Variants in SKAP2 observed in about 807,000 individuals in gnomAD.
The protein encoded by SKAP2 is src kinase associated phosphoprotein 2, also known as src kinase-associated phosphoprotein 2.
A neutral mutation model predicts 54.9 loss-of-function variants in SKAP2; 28 were observed. The observed-to-expected ratio is 0.51, with a 90% CI of 0.38 to 0.70. The LOEUF is 0.70. SKAP2 is among the 30% of genes least tolerant of loss of function. SKAP2 has a pLI of 0.00. For missense variants in SKAP2, 356 were observed against 424.1 expected (o/e 0.84, Z 1.41); for synonymous variants, 137 against 134.3 (o/e 1.02, Z -0.14).
At chr7:26,671,230 T>G (rs1247285364) in intron 11 of SKAP2, among the ~76,000 whole-genome samples, 1 of 152,106 alleles carries the variant, frequency 6.6e-6, no homozygotes, top group Non-Finnish European at 1.5e-5. Context: ...AGCAATACTC[T>G]TCACAAGCAT....
At chr7:26,810,921 C>G (rs1019443862) in intron 4 of SKAP2, among the ~76,000 whole-genome samples, 5 of 152,156 alleles carry the variant, frequency 3.3e-5, no homozygotes, top group African/African-American at 1.2e-4. Flanking sequence ...ACCTCATGAT[C>G]CGCGCACCTC....
intron 11 of SKAP2, among the ~76,000 whole-genome samples, chr7:26,675,917 C>A (rs553427775): frequency 6.6e-6 from 1 of 152,292 alleles, no homozygotes; most frequent in East Asian, 1.9e-4. Flanking sequence ...GAACAGGGAC[C>A]AACTAATTCC....
chr7:26,697,870 C>A (rs1197693693), intron 9 of SKAP2, among the ~76,000 whole-genome samples: 1 of 152,112 alleles, frequency 6.6e-6, no homozygotes, highest in African/African-American at 2.4e-5. Flanking sequence ...CATATGTATT[C>A]ATTGTCCCCA....
chr7:26,708,691 A>G (rs1400407393), intron 9 of SKAP2, among the ~76,000 whole-genome samples: 5 of 151,940 alleles, frequency 3.3e-5, no homozygotes, highest in South Asian at 2.1e-4. Flanking sequence ...TAGGTATCTC[A>G]TTTACTGCCA....
At chr7:26,677,491 T>C (rs547293025) in intron 11 of SKAP2, among the ~76,000 whole-genome samples, 1 of 151,842 alleles carries the variant, frequency 6.6e-6, no homozygotes, top group Admixed American at 6.6e-5. Flanking sequence ...CCCCTTTCCA[T>C]AGCACAGCCG....
chr7:26,659,311 T>C, the SKAP2 span, among the ~76,000 whole-genome samples: 1 of 152,252 alleles, frequency 6.6e-6, no homozygotes, highest in East Asian at 1.9e-4. Flanking sequence ...CATGTCCATC[T>C]CACTGTGAAA....
chr7:26,734,398 T>A (rs572425633), intron 6 of SKAP2, among the ~76,000 whole-genome samples: 11 of 152,174 alleles, frequency 7.2e-5, no homozygotes, highest in Non-Finnish European at 1.3e-4. Context: ...TATTTAGCCT[T>A]ACGTGCTCCC....
Position 26,793,851 on chromosome 7 carries a change from T to C in SKAP2, c.307+50179A>G, listed in dbSNP as rs1201327401. On this transcript the variant is annotated intron_variant, in intron 4 of 12. Coordinates refer to ENST00000345317, the MANE Select transcript of SKAP2 (RefSeq NM_003930.5). ...GACTCAAGTTTTACACTTGCTAATA[T>C]TGACAGCCTCTGTAAAGCTGCAAGA... Among the ~76,000 whole-genome samples, 5 of 152,344 alleles carry C rather than the reference T, an allele frequency of 3.3e-5. 1 individual carries two copies. In the South Asian group the frequency reaches 6.2e-4, roughly 19 times the overall value.
At chr7:26,660,777 TAC>T in the SKAP2 span, among the ~76,000 whole-genome samples, 1 of 152,064 alleles carries the variant, frequency 6.6e-6, no homozygotes, top group Non-Finnish European at 1.5e-5. Flanking sequence ...TGGTAACAGG[TAC>T]ACAATGTGTC....
At chr7:26,800,428 T>C (rs1303418817) in intron 4 of SKAP2, among the ~76,000 whole-genome samples, 1 of 151,708 alleles carries the variant, frequency 6.6e-6, no homozygotes, top group Non-Finnish European at 1.5e-5. Context: ...AGGAAAATTT[T>C]CAATGCATCT....
intron 1 of SKAP2, among the ~76,000 whole-genome samples, chr7:26,861,816 T>C (rs1479946508): frequency 6.6e-6 from 1 of 151,868 alleles, no homozygotes; most frequent in Non-Finnish European, 1.5e-5. Context: ...ACAGTACATA[T>C]GACATATAAT....
intron 4 of SKAP2, among the ~76,000 whole-genome samples, chr7:26,827,628 T>C (rs1258965631): frequency 6.6e-6 from 1 of 152,178 alleles, no homozygotes; most frequent in African/African-American, 2.4e-5. Flanking sequence ...TCTCTGAACC[T>C]AGATCAATGG....
intron 4 of SKAP2, among the ~76,000 whole-genome samples, chr7:26,751,446 C>T (rs17371905): frequency 0.085 from 12,897 of 152,150 alleles, 607 homozygotes; most frequent in Middle Eastern, 0.16. Context: ...AACGCAAATA[C>T]GTTCCCAAAC....
chr7:26,745,378 C>A (rs1481020946), intron 4 of SKAP2, among the ~76,000 whole-genome samples: 2 of 152,184 alleles, frequency 1.3e-5, no homozygotes, highest in African/African-American at 4.8e-5. Context: ...ACAACCATAT[C>A]TTTTTTCCTG....
chr7:26,856,690 A>C (rs1193422244), intron 1 of SKAP2, among the ~76,000 whole-genome samples: 9 of 152,184 alleles, frequency 5.9e-5, no homozygotes, highest in African/African-American at 2.2e-4. Flanking sequence ...AAAGTGGAAT[A>C]AGGGAAGAAG....
At position 26,704,740 on chromosome 7, in the gene SKAP2, G is replaced by C. The variant is rs116414230; in HGVS notation, c.797-14378C>G. Among the ~76,000 whole-genome samples the C allele has an allele frequency of 4.5e-3, 684 of 152,274 alleles. 3 individuals are homozygous for C. The highest frequency in any genetic ancestry group is 0.016 in the African/African-American group (645 of 41,530). ...TGCAGGGGGAAGAAGGGGAGGTTAG[G>C]CATGTAAAACTCATCTGATGGAGGT... is the stretch of plus-strand genomic sequence containing the variant. On this transcript the variant is annotated intron_variant, in intron 9 of 12. Transcript: ENST00000345317.
intron 11 of SKAP2, among the ~76,000 whole-genome samples, chr7:26,671,596 T>C (rs1329624562): frequency 6.6e-6 from 1 of 151,962 alleles, no homozygotes; most frequent in African/African-American, 2.4e-5. Context: ...AAGAACAAAG[T>C]GGAGGGGGAG....
chr7:26,702,653 C>G (rs1787064067), intron 9 of SKAP2, among the ~76,000 whole-genome samples: 1 of 152,116 alleles, frequency 6.6e-6, no homozygotes, highest in Admixed American at 6.5e-5. Flanking sequence ...GAGAGTCACA[C>G]TCAGTCTTAC....
chr7:26,798,564 C>A (rs1264933673), intron 4 of SKAP2, among the ~76,000 whole-genome samples: 2 of 152,018 alleles, frequency 1.3e-5, no homozygotes, highest in East Asian at 3.9e-4. Flanking sequence ...TAAGTAATCA[C>A]CTGAAGGTAC....
Sources: gnomAD v4.1 joint callset for allele counts (sites outside exome capture counted in the v4.1 genomes callset) on GRCh38, gnomAD v4.1.1 for gene constraint, MANE v1.5 for transcripts, NCBI Gene and HGNC (gene_info 2026-07-23, HGNC 2026-07-21) for gene names.